The following RBM20 variants were observed in gnomAD, a reference collection of about 807,000 sequenced individuals.
RBM20 encodes RNA binding motif protein 20, also known as RNA-binding protein 20.
Under a neutral mutation model 110.1 loss-of-function variants are expected in RBM20, and 51 were observed. That is an observed-to-expected ratio of 0.46 (90% CI 0.37 to 0.59). RBM20 has a LOEUF of 0.59. RBM20 is among the 20% of genes least tolerant of loss of function. RBM20 has a pLI of 0.00. For missense variants in RBM20, 1,512 were observed against 1,574.9 expected, an observed-to-expected ratio of 0.96 and a Z score of 0.68; for synonymous variants, 589 against 618.2, an observed-to-expected ratio of 0.95 and a Z score of 0.70.
At chr10:110,742,179 G>T (rs1270837385) in intron 1 of RBM20, among the ~76,000 whole-genome samples, 1 of 152,186 alleles carries the variant, frequency 6.6e-6, no homozygotes, top group Non-Finnish European at 1.5e-5. Context: ...CTGCGATTCT[G>T]CCAGAGGAAT....
intron 7 of RBM20, among the ~76,000 whole-genome samples, chr10:110,808,684 A>G (rs1264331775): frequency 6.6e-6 from 1 of 151,976 alleles, no homozygotes; most frequent in African/African-American, 2.4e-5. Flanking sequence ...TGAACATTTT[A>G]TATCTCTTTT....
rs74732107 is a variant in RBM20, at chr10:110,744,483, T to C, written c.192-36318T>C. Among the ~76,000 whole-genome samples the C allele has an allele frequency of 5.6e-3, 851 of 152,312 alleles. 5 individuals carry two copies. The highest frequency in any genetic ancestry group is 0.02 in the African/African-American group (814 of 41,554). On this transcript the variant is annotated intron_variant, in intron 1 of 13. Coordinates refer to ENST00000369519, the MANE Select transcript of RBM20 (RefSeq NM_001134363.3). ...GAGGAAAGTTAATACCTTTGAACATTGGTTCCCAAAGTGTGGTCCTGCACC... is the reference window on the plus strand; with the variant it reads ...GAGGAAAGTTAATACCTTTGAACATCGGTTCCCAAAGTGTGGTCCTGCACC...
At chr10:110,688,789 A>G (rs1402061639) in intron 1 of RBM20, among the ~76,000 whole-genome samples, 3 of 152,186 alleles carry the variant, frequency 2.0e-5, no homozygotes, top group African/African-American at 4.8e-5. Context: ...TTAACAAACT[A>G]TGGACATTAT....
rs183827781 is a variant in RBM20, at chr10:110,801,820, C to T, written c.1800+1902C>T. Among the ~76,000 whole-genome samples the T allele has an allele frequency of 3.4e-3, 509 of 150,982 alleles. 3 individuals are homozygous for T. The highest frequency in any genetic ancestry group is 0.012 in the African/African-American group (489 of 41,068). On this transcript the variant is annotated intron_variant, in intron 7 of 13. Transcript: ENST00000369519. ...TCAGCCTCCCAAAGTGCTGGGATTA[C>T]AAGCGTGAACCACCGTGCCTGGCCA...
intron 1 of RBM20, among the ~76,000 whole-genome samples, chr10:110,708,452 G>A (rs1205777738): frequency 2.0e-5 from 3 of 152,092 alleles, no homozygotes; most frequent in East Asian, 1.9e-4. Context: ...CTAAGTATTA[G>A]ATAAGTGGTG....
intron 1 of RBM20, among the ~76,000 whole-genome samples, chr10:110,724,347 G>T (rs1233609012): frequency 1.3e-5 from 2 of 152,216 alleles, no homozygotes; most frequent in African/African-American, 4.8e-5. Context: ...GGTTGAAATT[G>T]CTCCAAGCTG....
chr10:110,757,098 C>A (rs923617425), intron 1 of RBM20, among the ~76,000 whole-genome samples: 1 of 152,196 alleles, frequency 6.6e-6, no homozygotes, highest in Non-Finnish European at 1.5e-5. Context: ...GGGCTGTTAG[C>A]TTCCAGTCCC....
Position 110,799,856 on chromosome 10 carries a change from G to C in RBM20, c.1738G>C (p.Val580Leu). Residue 580 changes from valine to leucine, a missense_variant, in exon 7 of 14, where the codon GTG (valine) becomes CTG (leucine). Physicochemically the swap from Val to Leu is conservative, Grantham distance 32 (BLOSUM62 1). Transcript: ENST00000369519. Reference sequence around the variant, plus strand: ...CCAGTATTATCAAGAAAAATCTGCTGTGATCAATGGTGAGAAGTTGCTCAT... The same window carrying C: ...CCAGTATTATCAAGAAAAATCTGCTCTGATCAATGGTGAGAAGTTGCTCAT... ...MVQYYQEKSA[V>L]INGEKLLIRM... is the part of the protein sequence containing the mutation. 1 of 1,552,032 alleles carries C rather than the reference G, an allele frequency of 6.4e-7. No individual in the cohort carries two copies. The highest frequency in any genetic ancestry group is 1.4e-5 in the African/African-American group (1 of 73,174).
chr10:110,797,194 G>C (rs926709481), intron 5 of RBM20, among the ~76,000 whole-genome samples: 1 of 152,150 alleles, frequency 6.6e-6, no homozygotes, highest in Non-Finnish European at 1.5e-5. Context: ...TTGGGAGGCT[G>C]AGATGGGAGA....
At position 110,826,004 on chromosome 10, in the gene RBM20, T is replaced by C. The variant is rs562884487; in HGVS notation, c.3451+2390T>C. Among the ~76,000 whole-genome samples the C allele has an allele frequency of 1.4e-4, 21 of 152,354 alleles. No homozygotes were observed. In the South Asian group the frequency reaches 4.4e-3, roughly 32 times the overall value. On this transcript the variant is annotated intron_variant, in intron 12 of 13. Transcript: ENST00000369519. ...CTGCCTTTCAGATGTGCTTGTTCAG[T>C]GGTATGTGTATGCCAGTGTTCCTGT...
intron 1 of RBM20, among the ~76,000 whole-genome samples, chr10:110,694,174 A>G (rs912631774): frequency 1.3e-5 from 2 of 152,228 alleles, no homozygotes; most frequent in African/African-American, 4.8e-5. Context: ...AACCATAGGT[A>G]TCCCAACCAT....
intron 12 of RBM20, among the ~76,000 whole-genome samples, chr10:110,824,188 C>G (rs536318701): frequency 2.1e-4 from 32 of 152,278 alleles, no homozygotes; most frequent in African/African-American, 7.7e-4. Flanking sequence ...TCCTGTTTTT[C>G]CTGTCAGGGA....
At chr10:110,827,592 C>A (rs1313114351) in intron 12 of RBM20, among the ~76,000 whole-genome samples, 1 of 152,150 alleles carries the variant, frequency 6.6e-6, no homozygotes, top group East Asian at 1.9e-4. Flanking sequence ...CAAAGAGCAA[C>A]TTATTTAACC....
At chr10:110,722,570 C>T (rs2134934871) in intron 1 of RBM20, among the ~76,000 whole-genome samples, 1 of 152,262 alleles carries the variant, frequency 6.6e-6, no homozygotes, top group African/African-American at 2.4e-5. Context: ...AATTTAATTA[C>T]ACAAATAATA....
intron 1 of RBM20, among the ~76,000 whole-genome samples, chr10:110,721,831 C>T (rs1412756715): frequency 1.3e-5 from 2 of 152,154 alleles, no homozygotes; most frequent in African/African-American, 4.8e-5. Context: ...AACCTTCCTC[C>T]TCACCTCACC....
rs145344761 is a variant in RBM20, at chr10:110,661,099, G to C, written c.191+16454G>C. Among the ~76,000 whole-genome samples, 66 of 152,276 alleles carry C rather than the reference G, an allele frequency of 4.3e-4. No homozygotes were observed. The Middle Eastern group carries it at 0.01, about 24-fold the overall frequency. Reference sequence around the variant, plus strand: ...CCTGGAAGATGCTCACTAAATATTTGTTGAATGACTAAGTGAACTATAGGT... The same window carrying C: ...CCTGGAAGATGCTCACTAAATATTTCTTGAATGACTAAGTGAACTATAGGT... On this transcript the variant is annotated intron_variant, in intron 1 of 13. Transcript: ENST00000369519.
chr10:110,825,683 A>G (rs1371594064), intron 12 of RBM20, among the ~76,000 whole-genome samples: 1 of 152,226 alleles, frequency 6.6e-6, no homozygotes, highest in Non-Finnish European at 1.5e-5. Context: ...TATGCTATAA[A>G]TGACTGATCT....
chr10:110,808,777 C>T (rs1844726183), intron 7 of RBM20, among the ~76,000 whole-genome samples: 1 of 151,678 alleles, frequency 6.6e-6, no homozygotes, highest in Admixed American at 6.6e-5. Context: ...CCAGCCCAAC[C>T]CTCTATCTCA....
chr10:110,662,030 T>G (rs1862112284), intron 1 of RBM20, among the ~76,000 whole-genome samples: 3 of 139,940 alleles, frequency 2.1e-5, no homozygotes, highest in Non-Finnish European at 3.1e-5. Context: ...AAAAAGATAG[T>G]AGCATTGAGT....
Sources: allele counts gnomAD v4.1 joint callset (sites outside exome capture counted in the v4.1 genomes callset), GRCh38; gene constraint gnomAD v4.1.1; transcripts MANE v1.5; gene names NCBI Gene and HGNC (gene_info 2026-07-23, HGNC 2026-07-21).